ABHD12: variants seen among roughly 807,000 people sequenced by gnomAD.
ABHD12 encodes the protein lysophosphatidylserine lipase ABHD12.
Under a neutral mutation model 58.3 loss-of-function variants are expected in ABHD12, and 43 were observed. The ratio of observed to expected loss-of-function variants is 0.74; its 90% CI spans 0.58 to 0.95. The LOEUF (loss-of-function observed/expected upper bound fraction) is 0.95. Among genes scored for constraint, ABHD12 ranks in the 40% least tolerant of loss-of-function variants. The pLI, the probability that ABHD12 is intolerant of heterozygous loss-of-function variation, is 0.00. For synonymous variants in ABHD12, 219 were observed against 211.2 expected, an observed-to-expected ratio of 1.04 and a Z score of -0.32; for missense variants, 539 against 537.2, an observed-to-expected ratio of 1.00 and a Z score of -0.03.
intron 2 of ABHD12, among the ~76,000 whole-genome samples, chr20:25,330,542 C>G (rs1030053345): frequency 6.6e-6 from 1 of 152,254 alleles, no homozygotes; most frequent in East Asian, 1.9e-4. Flanking sequence ...CAGCAGTAAC[C>G]TCTGCAGACT....
chr20:25,320,673 C>T (rs1035442573), intron 3 of ABHD12, among the ~76,000 whole-genome samples: 1 of 152,228 alleles, frequency 6.6e-6, no homozygotes, highest in African/African-American at 2.4e-5. Flanking sequence ...TTTCCTCATA[C>T]GTGCCCCACA....
intron 1 of ABHD12, among the ~76,000 whole-genome samples, chr20:25,367,428 T>C (rs1265583652): frequency 6.6e-6 from 1 of 152,218 alleles, no homozygotes; most frequent in East Asian, 1.9e-4. Context: ...TAACAAAATT[T>C]ACCATCATAA....
intron 3 of ABHD12, among the ~76,000 whole-genome samples, chr20:25,321,445 G>A (rs774302952): frequency 5.3e-5 from 8 of 152,248 alleles, no homozygotes; most frequent in Non-Finnish European, 8.8e-5. Context: ...GCGATGGTGG[G>A]GGCAGTTGGT....
At chr20:25,380,988 G>A (rs1242116052) in intron 1 of ABHD12, among the ~76,000 whole-genome samples, 4 of 152,160 alleles carry the variant, frequency 2.6e-5, no homozygotes, top group African/African-American at 4.8e-5. Flanking sequence ...AAAGTAGTTT[G>A]TGAATCCAGA....
intron 1 of ABHD12, among the ~76,000 whole-genome samples, chr20:25,388,010 G>A (rs1269603376): frequency 7.1e-6 from 1 of 141,118 alleles, no homozygotes; most frequent in African/African-American, 2.8e-5. Context: ...CTGCACTCCA[G>A]CCTGGGCGAC....
downstream of ABHD12, among the ~76,000 whole-genome samples, chr20:25,299,285 T>C (rs968016807): frequency 2.0e-5 from 3 of 152,104 alleles, no homozygotes; most frequent in African/African-American, 7.2e-5. Flanking sequence ...TAGTCCCACC[T>C]ACTTGGGAGG....
At chr20:25,373,721 C>T (rs575682502) in intron 1 of ABHD12, among the ~76,000 whole-genome samples, 5 of 151,710 alleles carry the variant, frequency 3.3e-5, no homozygotes, top group East Asian at 1.9e-4. Flanking sequence ...AATTTGATTA[C>T]GAAGTGCCTT....
At chr20:25,309,272 T>G (rs1311622769) in intron 7 of ABHD12, among the ~76,000 whole-genome samples, 174 bp downstream of exon 7, 1 of 152,126 alleles carries the variant, frequency 6.6e-6, no homozygotes, top group Non-Finnish European at 1.5e-5. Flanking sequence ...TCAGATCCTT[T>G]GGAGTCTCTT....
chr20:25,323,194 C>T, intron 3 of ABHD12, 131 bp downstream of exon 3: 1 of 732,606 alleles, frequency 1.4e-6, no homozygotes, highest in South Asian at 1.4e-5. Context: ...TGAGATCTTT[C>T]CTTTAGGAAA....
At chr20:25,303,366 C>T (rs151102825) in intron 11 of ABHD12, 184 bp downstream of exon 11, 80 of 1,496,342 alleles carry the variant, frequency 5.3e-5, no homozygotes, top group Admixed American at 2.2e-4. Context: ...CATGTCCTTC[C>T]GAAGCAGCCT....
intron 3 of ABHD12, among the ~76,000 whole-genome samples, chr20:25,321,360 C>A (rs2089062878): frequency 2.0e-5 from 3 of 152,250 alleles, no homozygotes; most frequent in Non-Finnish European, 2.9e-5. Context: ...CCAGGCATGG[C>A]CAGGAATGGC....
intron 1 of ABHD12, among the ~76,000 whole-genome samples, chr20:25,359,974 T>C (rs1443287866): frequency 6.6e-6 from 1 of 152,180 alleles, no homozygotes; most frequent in Non-Finnish European, 1.5e-5. Flanking sequence ...TAGGATTTTT[T>C]AAATTAAGGA....
Position 25,317,075 on chromosome 20 carries a change from T to A in ABHD12, c.546A>T (p.Gly182=). 6.2e-7 allele frequency: 1 copy of A among 1,612,062 alleles called. No homozygotes were observed. The highest frequency in any genetic ancestry group is 8.5e-7 in the Non-Finnish European group (1 of 1,178,930). ...TGTAAAGCTCCACGCGGTGGTCGCC[T>A]CCTCTGGAGAAGAAAACAGGACATG... is the stretch of plus-strand genomic sequence containing the variant. The part of the protein sequence containing the change: ...LYLHGNAGTR[G]GDHRVELYKV... Residue 182 remains glycine (G), a synonymous_variant, in exon 5 of 13, where the codon GGA becomes GGT. Coordinates refer to ENST00000339157, the MANE Select transcript of ABHD12 (RefSeq NM_001042472.3).
chr20:25,339,422 T>C, intron 1 of ABHD12, 71 bp from the exon 2 acceptor site: 1 of 1,608,400 alleles, frequency 6.2e-7, no homozygotes, highest in Non-Finnish European at 8.5e-7. Flanking sequence ...TTAATAGTGT[T>C]ATCAAAATCC....
chr20:25,383,073 C>G (rs765279887), intron 1 of ABHD12, among the ~76,000 whole-genome samples: 1 of 152,132 alleles, frequency 6.6e-6, no homozygotes, highest in Non-Finnish European at 1.5e-5. Context: ...CAAAAGCTAG[C>G]TCAGAACTCG....
rs1272533254 is a variant in ABHD12, at chr20:25,320,811, G to A, written c.423-493C>T. Among the ~76,000 whole-genome samples, 3 of 146,588 alleles carry A rather than the reference G, an allele frequency of 2.0e-5. No individual in the cohort carries two copies. In the Admixed American group the frequency reaches 2.1e-4, roughly 10 times the overall value. The stretch of plus-strand genomic sequence containing the variant: ...GAGCCAGACTAGAAACCGGGCCATC[G>A]CTGACGCCATTTCTAATGTCAAGTA... On this transcript the variant is annotated intron_variant, in intron 3 of 12. Coordinates refer to ENST00000339157, the MANE Select transcript of ABHD12 (RefSeq NM_001042472.3).
intron 1 of ABHD12, among the ~76,000 whole-genome samples, chr20:25,366,603 G>C (rs935726912): frequency 3.9e-5 from 6 of 152,236 alleles, no homozygotes; most frequent in Non-Finnish European, 8.8e-5. Context: ...GGACTCTTGA[G>C]TTATAGTTAG....
At chr20:25,368,532 C>T (rs1046449399) in intron 1 of ABHD12, 21 of 1,463,552 alleles carry the variant, frequency 1.4e-5, no homozygotes, top group Admixed American at 8.4e-5. Flanking sequence ...AATTTCTCCC[C>T]GTAAATGGAC....
At chr20:25,315,261 G>C (rs1057247117) in intron 5 of ABHD12, among the ~76,000 whole-genome samples, 1 of 152,004 alleles carries the variant, frequency 6.6e-6, no homozygotes, top group Non-Finnish European at 1.5e-5. Context: ...AGCTCCACTC[G>C]TGCTGCAGGG....
Sources: allele counts gnomAD v4.1 joint callset (sites outside exome capture counted in the v4.1 genomes callset), GRCh38; gene constraint gnomAD v4.1.1; transcripts MANE v1.5; gene names NCBI Gene and HGNC (gene_info 2026-07-23, HGNC 2026-07-21).